XKR9: variants seen among roughly 807,000 people sequenced by gnomAD.
XKR9 encodes the protein XK related 9, also known as XK-related protein 9.
XKR9 carries 32 observed loss-of-function variants against 32.0 expected under a neutral mutation model. The ratio of observed to expected loss-of-function variants is 1.00; its 90% confidence interval spans 0.76 to 1.34. The LOEUF is 1.34. Ranked by LOEUF, XKR9 falls within the 40% of genes most tolerant of loss-of-function variation. The probability of loss-of-function intolerance (pLI) is 0.00; values close to 1 mark genes in which losing one functional copy is unlikely to be tolerated. For synonymous variants in XKR9, 168 were observed against 143.4 expected, an observed-to-expected ratio of 1.17 and a Z score of -1.22; for missense variants, 546 against 429.7, an observed-to-expected ratio of 1.27 and a Z score of -2.39.
chr8:70,974,287 C>T, the XKR9 span, among the ~76,000 whole-genome samples: 1 of 151,692 alleles, frequency 6.6e-6, no homozygotes. Flanking sequence ...TACATGTGCA[C>T]AACATGCAGG....
At chr8:70,819,711 G>A in the XKR9 span, among the ~76,000 whole-genome samples, 2 of 152,162 alleles carry the variant, frequency 1.3e-5, no homozygotes, top group South Asian at 2.1e-4. Flanking sequence ...CTTTGCAAAT[G>A]TAAAGTAATA....
intron 2 of XKR9, among the ~76,000 whole-genome samples, chr8:70,773,467 C>G (rs943858125): frequency 2.0e-5 from 3 of 152,164 alleles, no homozygotes; most frequent in African/African-American, 7.2e-5. Context: ...AAGCTTTTAA[C>G]AAGCTCCACA....
the XKR9 span, among the ~76,000 whole-genome samples, chr8:70,844,137 A>G: frequency 1.3e-5 from 2 of 152,188 alleles, no homozygotes; most frequent in African/African-American, 4.8e-5. Flanking sequence ...ACCACCTACC[A>G]GGGAAAGTTA....
At chr8:70,777,448 TTATAATCCTTTGGG>T (rs1262012972) in intron 2 of XKR9, among the ~76,000 whole-genome samples, 6 of 152,206 alleles carry the variant, frequency 3.9e-5, no homozygotes, top group African/African-American at 1.4e-4. Flanking sequence ...GTAGCATGAT[TTATAATCCTTTGGG>T]TATATACCCA....
chr8:70,669,395 G>A lies in XKR9; in HGVS notation c.-504G>A. ...GGCAGTGGTGGGAAGGCTGGCGCGA[G>A]GCGTGAGGTGGCGTGAGGCGAAGCT... On this transcript the variant is annotated 5_prime_UTR_variant, in exon 1 of 5. Coordinates refer to ENST00000408926, the MANE Select transcript of XKR9 (RefSeq NM_001011720.2). The A allele has an allele frequency of 2.4e-6, 1 of 413,062 alleles. No homozygotes were observed. Among genetic ancestry groups the A allele is most frequent in the Non-Finnish European group, 4.4e-6 (1 of 227,544 alleles). The allele number at this position is 413,062 out of a possible 1,614,324, so 25.6% of individuals were successfully genotyped here.
chr8:70,711,130 T>C (rs548811787), intron 4 of XKR9, among the ~76,000 whole-genome samples: 1 of 152,222 alleles, frequency 6.6e-6, no homozygotes, highest in African/African-American at 2.4e-5. Flanking sequence ...ATAGCAGATG[T>C]AGGTGAGGTT....
the XKR9 span, among the ~76,000 whole-genome samples, chr8:70,831,708 C>T: frequency 0.12 from 17,529 of 152,048 alleles, 1,181 homozygotes; most frequent in African/African-American, 0.19. Flanking sequence ...ATGTTTAGAT[C>T]CAGGATGCTT....
the XKR9 span, among the ~76,000 whole-genome samples, chr8:70,927,820 C>G: frequency 2.6e-5 from 4 of 152,128 alleles, no homozygotes; most frequent in African/African-American, 9.7e-5. Context: ...TAGCTTGTTT[C>G]TATCCTGATT....
intron 2 of XKR9, among the ~76,000 whole-genome samples, chr8:70,773,137 C>T (rs1807475853): frequency 6.6e-6 from 1 of 152,112 alleles, no homozygotes; most frequent in South Asian, 2.1e-4. Context: ...TTCAGGAAAG[C>T]CAGTGCATTC....
At chr8:70,678,818 A>C (rs987792397) in intron 2 of XKR9, among the ~76,000 whole-genome samples, 3 of 152,224 alleles carry the variant, frequency 2.0e-5, no homozygotes, top group East Asian at 1.9e-4. Flanking sequence ...AAATACTTAT[A>C]AGTGATAAAA....
chr8:70,770,857 G>A (rs1213978685), intron 2 of XKR9, among the ~76,000 whole-genome samples: 1 of 152,214 alleles, frequency 6.6e-6, no homozygotes, highest in East Asian at 1.9e-4. Flanking sequence ...ATCTGTGTGG[G>A]TGGGACCTGT....
At chr8:70,837,001 T>C in the XKR9 span, among the ~76,000 whole-genome samples, 1 of 152,112 alleles carries the variant, frequency 6.6e-6, no homozygotes, top group Non-Finnish European at 1.5e-5. Context: ...CTACTGCTAC[T>C]TGACCACAGT....
At chr8:70,889,567 A>T in the XKR9 span, among the ~76,000 whole-genome samples, 1 of 151,818 alleles carries the variant, frequency 6.6e-6, no homozygotes, top group Non-Finnish European at 1.5e-5. Context: ...TTGCCACTCT[A>T]GTAGTCCCCA....
the XKR9 span, among the ~76,000 whole-genome samples, chr8:70,980,373 G>A: frequency 6.6e-6 from 1 of 152,232 alleles, no homozygotes; most frequent in African/African-American, 2.4e-5. Context: ...GACTGGAGCT[G>A]TTCCTATTCG....
intron 4 of XKR9, 75 bp from the exon 5 acceptor site, chr8:70,733,721 G>A: frequency 7.5e-7 from 1 of 1,329,504 alleles, no homozygotes; most frequent in Non-Finnish European, 9.9e-7. Flanking sequence ...TATAGATATA[G>A]CATGTATGGG....
intron 2 of XKR9, among the ~76,000 whole-genome samples, chr8:70,776,943 C>CTATA (rs1458131849): frequency 3.7e-4 from 14 of 38,314 alleles, no homozygotes; most frequent in South Asian, 3.4e-3. Flanking sequence ...CTCTCTCTCT[C>CTATA]TCTCTATATA....
At chr8:70,968,145 A>G in the XKR9 span, among the ~76,000 whole-genome samples, 18 of 151,726 alleles carry the variant, frequency 1.2e-4, no homozygotes, top group African/African-American at 4.4e-4. Context: ...TTTTTATTCA[A>G]TTTTCTCTAT....
the XKR9 span, among the ~76,000 whole-genome samples, chr8:70,983,767 G>A: frequency 2.4e-4 from 36 of 150,974 alleles, no homozygotes; most frequent in African/African-American, 8.6e-4. Flanking sequence ...GGGGACAAGG[G>A]CAAGACTTCA....
At chr8:70,854,528 T>C in the XKR9 span, among the ~76,000 whole-genome samples, 7 of 152,352 alleles carry the variant, frequency 4.6e-5, no homozygotes, top group East Asian at 5.8e-4. Flanking sequence ...TTATTTTAAT[T>C]AGATCCCATT....
Sources: gnomAD v4.1 joint callset for allele counts (sites outside exome capture counted in the v4.1 genomes callset) on GRCh38, gnomAD v4.1.1 for gene constraint, MANE v1.5 for transcripts, NCBI Gene and HGNC (gene_info 2026-07-23, HGNC 2026-07-21) for gene names.